The following XYLT1 variants were observed in gnomAD, a reference collection of about 807,000 sequenced individuals.
The protein encoded by XYLT1 is xylosyltransferase 1.
XYLT1 carries 36 observed loss-of-function variants against 91.3 expected under a neutral mutation model. The observed-to-expected ratio is 0.39, with a 90% CI of 0.30 to 0.52. The LOEUF is 0.52. XYLT1 is among the 20% of genes least tolerant of loss of function. The pLI is 0.68. For synonymous variants in XYLT1, 588 were observed against 532.0 expected (o/e 1.11, Z -1.45); for missense variants, 1,242 against 1,284.5 (o/e 0.97, Z 0.51).
At chr16:17,363,340 T>C (rs2035408472) in intron 1 of XYLT1, among the ~76,000 whole-genome samples, 1 of 152,186 alleles carries the variant, frequency 6.6e-6, no homozygotes, top group Non-Finnish European at 1.5e-5. Flanking sequence ...GCTATAATAA[T>C]ACACAGGTGA....
At chr16:17,470,337 C>T (rs2036968106) in intron 1 of XYLT1, 97 bp downstream of exon 1, 1 of 1,186,330 alleles carries the variant, frequency 8.4e-7, no homozygotes, top group South Asian at 4.3e-5. Flanking sequence ...TTGCAGAGTC[C>T]CAGTCTGATG....
At chr16:17,304,744 C>T (rs78979626) in intron 2 of XYLT1, among the ~76,000 whole-genome samples, 12 of 152,198 alleles carry the variant, frequency 7.9e-5, no homozygotes, top group African/African-American at 2.9e-4. Context: ...TACTTCTTTG[C>T]CCACGGTGAG....
intron 5 of XYLT1, among the ~76,000 whole-genome samples, chr16:17,161,672 C>CGT (rs1491092850): frequency 1.1e-5 from 1 of 93,616 alleles, no homozygotes; most frequent in Admixed American, 9.5e-5. Context: ...TCCAGTTTCT[C>CGT]GCGCGCTCTC....
intron 1 of XYLT1, among the ~76,000 whole-genome samples, chr16:17,443,580 A>G (rs1285673042): frequency 6.6e-6 from 1 of 152,208 alleles, no homozygotes; most frequent in African/African-American, 2.4e-5. Flanking sequence ...CTGTGAGTCA[A>G]TTAAACCTCT....
intron 2 of XYLT1, among the ~76,000 whole-genome samples, chr16:17,263,620 C>G (rs2033756571): frequency 6.6e-6 from 1 of 151,882 alleles, no homozygotes; most frequent in African/African-American, 2.4e-5. Flanking sequence ...GAATTGGAGG[C>G]CTGAGAATTT....
intron 2 of XYLT1, among the ~76,000 whole-genome samples, chr16:17,263,851 G>C (rs1461321143): frequency 6.6e-6 from 1 of 152,086 alleles, no homozygotes; most frequent in Non-Finnish European, 1.5e-5. Context: ...TGGGATTACA[G>C]GTGTGTGCTA....
intron 1 of XYLT1, among the ~76,000 whole-genome samples, chr16:17,425,600 GC>G (rs935627189): frequency 6.6e-6 from 1 of 152,096 alleles, no homozygotes; most frequent in African/African-American, 2.4e-5. Flanking sequence ...TTCAGGAAAG[GC>G]CCTTTGTTAA....
chr16:17,217,830 C>G (rs2032888151), intron 3 of XYLT1, among the ~76,000 whole-genome samples: 1 of 151,962 alleles, frequency 6.6e-6, no homozygotes, highest in South Asian at 2.1e-4. Flanking sequence ...TCCAAAGAAG[C>G]CACGGTGAAG....
intron 1 of XYLT1, among the ~76,000 whole-genome samples, chr16:17,381,091 T>C (rs879760443): frequency 1.3e-5 from 2 of 152,182 alleles, no homozygotes; most frequent in Non-Finnish European, 2.9e-5. Context: ...ACTTTTCAAT[T>C]AATCGCTAAT....
intron 7 of XYLT1, among the ~76,000 whole-genome samples, chr16:17,139,202 A>G (rs1429251203): frequency 6.6e-6 from 1 of 152,192 alleles, no homozygotes; most frequent in Non-Finnish European, 1.5e-5. Flanking sequence ...TGAGAGAAAG[A>G]TTTCTATAAT....
At position 17,200,217 on chromosome 16, in the gene XYLT1, C is replaced by CA. The variant is rs57616682; in HGVS notation, c.1086+264dup. 0.58 allele frequency among the ~76,000 whole-genome samples: 84,361 copies of CA among 146,434 alleles called. 25,772 individuals are homozygous for CA. Among genetic ancestry groups the CA allele is most frequent in the African/African-American group, 0.8 (31,813 of 39,908 alleles). ...GCCTGGTGACTGAGCGACATTCCAT[C>CA]AAAAAAAAAAGAAAAAAAACCCCCC... On this transcript the variant is annotated intron_variant, in intron 4 of 11. Transcript: ENST00000261381.
At chr16:17,299,989 A>T (rs1489426695) in intron 2 of XYLT1, among the ~76,000 whole-genome samples, 2 of 152,140 alleles carry the variant, frequency 1.3e-5, no homozygotes, top group African/African-American at 2.4e-5. Flanking sequence ...GAAGTTCAAA[A>T]ATAAACTGTG....
At chr16:17,451,029 A>T (rs2036658964) in intron 1 of XYLT1, among the ~76,000 whole-genome samples, 1 of 152,190 alleles carries the variant, frequency 6.6e-6, no homozygotes, top group African/African-American at 2.4e-5. Context: ...TTGGAGGTGG[A>T]GTGATAATAA....
rs148601310 is a variant in XYLT1 at position 17,119,325 on chromosome 16, A to C, written c.2224-1346T>G. ...AATTAGGGGTCATCTAATTTGAAAA[A>C]AAGATCTCCCCCAGGTGGATTAACT... On this transcript the variant is annotated intron_variant, in intron 10 of 11. Transcript: ENST00000261381. Among the ~76,000 whole-genome samples the C allele has an allele frequency of 2.5e-3, 376 of 152,318 alleles. 1 individual carries two copies. Among genetic ancestry groups the C allele is most frequent in the Middle Eastern group, 6.8e-3 (2 of 294 alleles).
At position 17,470,597 on chromosome 16, in the gene XYLT1, C is replaced by A. The variant is rs1358819414; in HGVS notation, c.200G>T (p.Arg67Leu). ...AGCCGGCTCGGCGGGCAGGTCCCGGCGCTCCCGGCGCGGGGCCGGGGCCGG... is the reference window on the plus strand; with the variant it reads ...AGCCGGCTCGGCGGGCAGGTCCCGGAGCTCCCGGCGCGGGGCCGGGGCCGG... Reference protein sequence around the residue: ...PPPAPAPRRERRDLPAEPAAA... With the variant: ...PPPAPAPRRELRDLPAEPAAA... The change falls in exon 1 of 12, where the codon CGC becomes CTC. Residue 67 changes from arginine to leucine, a missense_variant. Around this residue, in one of 3 missense-constraint regions of XYLT1, gnomAD observed 437 missense variants for 411.5 expected, o/e 1.06. Transcript: ENST00000261381. 3 of 1,166,580 alleles carry A rather than the reference C, an allele frequency of 2.6e-6. No homozygotes were observed. Among genetic ancestry groups the A allele is most frequent in the Non-Finnish European group, 3.2e-6 (3 of 947,308 alleles). The allele number at this position is 1,166,580 out of a possible 1,614,324, so 72.3% of individuals were successfully genotyped here. A position where few individuals can be genotyped will look rare whatever the true frequency, so the allele number is the denominator to read the frequency against.
chr16:17,223,073 T>C (rs2033000408), intron 3 of XYLT1, among the ~76,000 whole-genome samples: 1 of 150,712 alleles, frequency 6.6e-6, no homozygotes, highest in Non-Finnish European at 1.5e-5. Flanking sequence ...ATTTGTTAAG[T>C]GCCTCTCTCT....
chr16:17,313,158 C>A (rs987544410), intron 2 of XYLT1, among the ~76,000 whole-genome samples: 7 of 152,214 alleles, frequency 4.6e-5, no homozygotes, highest in Admixed American at 3.3e-4. Flanking sequence ...GCCTGGGCTG[C>A]CTGCCAACAC....
chr16:17,114,463 C>T (rs572269502), intron 11 of XYLT1, among the ~76,000 whole-genome samples: 13 of 152,324 alleles, frequency 8.5e-5, no homozygotes, highest in African/African-American at 3.1e-4. Flanking sequence ...GTGTCTGCTG[C>T]AGAACTGATT....
At chr16:17,239,725 G>C (rs1413548621) in intron 3 of XYLT1, among the ~76,000 whole-genome samples, 1 of 147,430 alleles carries the variant, frequency 6.8e-6, no homozygotes, top group Non-Finnish European at 1.5e-5. Context: ...CACCGAGTCT[G>C]TCTGTCCTTC....
Sources: gnomAD v4.1 joint callset for allele counts (sites outside exome capture counted in the v4.1 genomes callset) on GRCh38, gnomAD v4.1.1 for gene constraint, gnomAD v4.1.1 regional missense constraint, MANE v1.5 for transcripts, NCBI Gene and HGNC (gene_info 2026-07-23, HGNC 2026-07-21) for gene names.